Variants in TNFRSF19 observed in about 807,000 individuals in gnomAD.
TNFRSF19 encodes TNF receptor superfamily member 19, also known as tumor necrosis factor receptor superfamily member 19.
Under a neutral mutation model 46.4 loss-of-function variants are expected in TNFRSF19, and 27 were observed. The ratio of observed to expected loss-of-function variants is 0.58; its 90% CI spans 0.43 to 0.80. The LOEUF is 0.80. Among genes scored for constraint, TNFRSF19 ranks in the 30% least tolerant of loss-of-function variants. The pLI is 0.00. For synonymous variants in TNFRSF19, 204 were observed against 205.0 expected, an observed-to-expected ratio of 1.00 and a Z score of 0.04; for missense variants, 511 against 530.8, an observed-to-expected ratio of 0.96 and a Z score of 0.37.
chr13:23,648,423 TG>T (rs1883448786), intron 5 of TNFRSF19, among the ~76,000 whole-genome samples: 1 of 152,224 alleles, frequency 6.6e-6, no homozygotes, highest in Admixed American at 6.5e-5. Context: ...AGCTGATTTT[TG>T]CATGTTGATT....
In TNFRSF19 at chr13:23,626,756, C is replaced by T; in HGVS notation, c.409C>T (p.Pro137Ser). 6.2e-7 allele frequency: 1 copy of T among 1,614,104 alleles called. No individual in the cohort carries two copies. Among genetic ancestry groups the T allele is most frequent in the Non-Finnish European group, 8.5e-7 (1 of 1,179,998 alleles). The change falls in exon 5 of 10, where the codon CCT becomes TCT. Residue 137 changes from proline to serine, a missense_variant. Around this residue, in one of 3 missense-constraint regions of TNFRSF19, gnomAD observed 376 missense variants for 372.7 expected, o/e 1.01. Coordinates refer to ENST00000248484, the MANE Select transcript of TNFRSF19 (RefSeq NM_148957.4). The part of the protein sequence containing the change: ...LVGFQDMECV[P>S]CGDPPPPYEP... ...CGGCTTTCAAGACATGGAGTGTGTG[C>T]CTTGTGGAGACCCTCCTCCTCCTTA...
At chr13:23,582,871 T>A (rs1878554172) in intron 1 of TNFRSF19, among the ~76,000 whole-genome samples, 1 of 152,256 alleles carries the variant, frequency 6.6e-6, no homozygotes, top group African/African-American at 2.4e-5. Flanking sequence ...ATTTTGAGTT[T>A]CATCCACATT....
At chr13:23,633,429 T>C (rs1318683995) in intron 5 of TNFRSF19, among the ~76,000 whole-genome samples, 1 of 152,246 alleles carries the variant, frequency 6.6e-6, no homozygotes, top group African/African-American at 2.4e-5. Flanking sequence ...TTGTAATTCA[T>C]TTAAAAATGA....
chr13:23,591,513 G>A (rs1436311225), intron 2 of TNFRSF19, among the ~76,000 whole-genome samples: 1 of 151,808 alleles, frequency 6.6e-6, no homozygotes, highest in Non-Finnish European at 1.5e-5. Flanking sequence ...GTGGGATTCA[G>A]GTGAATGTAG....
chr13:23,578,594 C>T (rs538028670), intron 1 of TNFRSF19, among the ~76,000 whole-genome samples: 1 of 152,342 alleles, frequency 6.6e-6, no homozygotes, highest in Non-Finnish European at 1.5e-5. Flanking sequence ...GAAGTCAAAA[C>T]CAACACGTGA....
At chr13:23,615,363 A>C (rs1881200077) in intron 3 of TNFRSF19, among the ~76,000 whole-genome samples, 1 of 152,206 alleles carries the variant, frequency 6.6e-6, no homozygotes, top group South Asian at 2.1e-4. Context: ...GGAAATACTA[A>C]ATTGCTAACT....
chr13:23,608,555 C>T (rs796338376), intron 3 of TNFRSF19, among the ~76,000 whole-genome samples: 112 of 152,304 alleles, frequency 7.4e-4, no homozygotes, highest in African/African-American at 2.6e-3. Context: ...GAGTAGCAAT[C>T]TCTTGCTCGT....
intron 1 of TNFRSF19, among the ~76,000 whole-genome samples, chr13:23,581,891 A>G (rs1878463613): frequency 6.6e-6 from 1 of 152,222 alleles, no homozygotes; most frequent in Non-Finnish European, 1.5e-5. Context: ...TGATGCATCA[A>G]TATTTAAAAT....
intron 1 of TNFRSF19, among the ~76,000 whole-genome samples, chr13:23,586,554 C>T (rs549439389): frequency 1.3e-5 from 2 of 152,302 alleles, no homozygotes; most frequent in East Asian, 1.9e-4. Flanking sequence ...TGCCCTTCCC[C>T]GGCAGTGCTC....
rs1214644050 is a variant in TNFRSF19, at chr13:23,673,308, G to T, written c.1246-64G>T. ...TTATGCATAATAATTCTTTACCATT[G>T]AAATTTAGCAGATTTAACTTGTAAG... On this transcript the variant is annotated intron_variant, in intron 9 of 9. Coordinates refer to ENST00000248484, the MANE Select transcript of TNFRSF19 (RefSeq NM_148957.4). The T allele has an allele frequency of 3.9e-6, 6 of 1,537,564 alleles. No individual in the cohort carries two copies. In the East Asian group the frequency reaches 9.3e-5, roughly 24 times the overall value.
intron 3 of TNFRSF19, among the ~76,000 whole-genome samples, chr13:23,610,679 G>C (rs1026700300): frequency 6.6e-6 from 1 of 152,062 alleles, no homozygotes; most frequent in African/African-American, 2.4e-5. Context: ...TTATCAGCAG[G>C]CATTTATTTA....
chr13:23,598,889 G>C (rs560434560), intron 3 of TNFRSF19, among the ~76,000 whole-genome samples: 9 of 152,082 alleles, frequency 5.9e-5, no homozygotes, highest in Non-Finnish European at 1.3e-4. Context: ...TTATTTAAAG[G>C]GACTTTTAAA....
At chr13:23,608,839 C>CCTAA (rs774127842) in intron 3 of TNFRSF19, among the ~76,000 whole-genome samples, 23 of 152,176 alleles carry the variant, frequency 1.5e-4, no homozygotes, top group Non-Finnish European at 2.2e-4. Context: ...ATCATATTGA[C>CCTAA]CTAACGCACA....
Position 23,644,504 on chromosome 13 carries a change from C to T in TNFRSF19, c.446-14546C>T, listed in dbSNP as rs545972286. Among the ~76,000 whole-genome samples the T allele has an allele frequency of 5.8e-4, 88 of 152,316 alleles. 2 individuals are homozygous for T. The South Asian group carries it at 0.017, about 29-fold the overall frequency. ...CAGCATGATTGTAAGTTTCCTGAGG[C>T]CTCCCCAGCCCTGCTGAACTGTGAG... On this transcript the variant is annotated intron_variant, in intron 5 of 9. Transcript: ENST00000248484.
chr13:23,668,900 A>G lies in TNFRSF19; in HGVS notation c.1048A>G (p.Asn350Asp). ...ELESSTSLDS[N>D]SSQDLVGGAV... ...TGAAAGCTCAACGTCTTTGGATTCAAATAGCAGTCAAGATTTGGTTGGTGG... is the reference window on the plus strand; with the variant it reads ...TGAAAGCTCAACGTCTTTGGATTCAGATAGCAGTCAAGATTTGGTTGGTGG... Residue 350 changes from asparagine to aspartate, a missense_variant, in exon 9 of 10, where the codon AAT becomes GAT. By Grantham distance (23) the Asn-to-Asp change is conservative. Around this residue, in one of 3 missense-constraint regions of TNFRSF19, gnomAD observed 376 missense variants for 372.7 expected, o/e 1.01. Transcript: ENST00000248484. 6.2e-7 allele frequency: 1 copy of G among 1,614,272 alleles called. No individual in the cohort carries two copies. Among genetic ancestry groups the G allele is most frequent in the South Asian group, 1.1e-5 (1 of 91,084 alleles).
At chr13:23,583,288 C>G (rs959029193) in intron 1 of TNFRSF19, among the ~76,000 whole-genome samples, 1 of 152,008 alleles carries the variant, frequency 6.6e-6, no homozygotes, top group African/African-American at 2.4e-5. Context: ...ATTTTCATCA[C>G]TCCAGTGGCT....
chr13:23,632,557 G>C (rs1882417898), intron 5 of TNFRSF19, among the ~76,000 whole-genome samples: 1 of 152,122 alleles, frequency 6.6e-6, no homozygotes, highest in Non-Finnish European at 1.5e-5. Context: ...ATTGTCTAGA[G>C]TTCCTTGGTT....
intron 4 of TNFRSF19, among the ~76,000 whole-genome samples, chr13:23,625,172 C>CT: frequency 6.6e-6 from 1 of 152,268 alleles, no homozygotes; most frequent in Admixed American, 6.5e-5. Flanking sequence ...TATTTCATGA[C>CT]TTTTTAAAAA....
intron 1 of TNFRSF19, among the ~76,000 whole-genome samples, chr13:23,582,396 G>A (rs537525047): frequency 3.4e-4 from 52 of 151,342 alleles, no homozygotes; most frequent in Non-Finnish European, 5.2e-4. Flanking sequence ...GCGAGACTCC[G>A]TCTCAAAAAA....
Sources: allele counts gnomAD v4.1 joint callset (sites outside exome capture counted in the v4.1 genomes callset), GRCh38; gene constraint gnomAD v4.1.1; regional missense constraint gnomAD v4.1.1; transcripts MANE v1.5; gene names NCBI Gene and HGNC (gene_info 2026-07-23, HGNC 2026-07-21).